The following SI variants were observed in gnomAD, a reference collection of about 807,000 sequenced individuals.
SI encodes the protein sucrase-isomaltase, intestinal.
Under a neutral mutation model 253.3 loss-of-function variants are expected in SI, and 235 were observed. That is an observed-to-expected ratio of 0.93 (90% CI 0.83 to 1.03). SI has a LOEUF of 1.03. Among genes scored for constraint, SI ranks in the 50% least tolerant of loss-of-function variants. The pLI, the probability that SI is intolerant of heterozygous loss-of-function variation, is 0.00. For synonymous variants in SI, 819 were observed against 712.0 expected (o/e 1.15, Z -2.39); for missense variants, 2,442 against 2,211.1 (o/e 1.10, Z -2.09).
At chr3:165,074,006 T>C (rs1479672565) in intron 3 of SI, among the ~76,000 whole-genome samples, 1 of 151,954 alleles carries the variant, frequency 6.6e-6, no homozygotes, top group Non-Finnish European at 1.5e-5. Flanking sequence ...CACAGGTTTG[T>C]GGGGAAAAAA....
chr3:165,006,601 G>A (rs1421049455), intron 37 of SI, among the ~76,000 whole-genome samples: 1 of 152,034 alleles, frequency 6.6e-6, no homozygotes, highest in Non-Finnish European at 1.5e-5. Flanking sequence ...TTTTGGAATA[G>A]TATAGAAATT....
intron 24 of SI, 102 bp downstream of exon 24, chr3:165,032,420 A>T: frequency 1.3e-6 from 1 of 753,506 alleles, no homozygotes; most frequent in South Asian, 1.8e-5. Context: ...GGAAGAAAGG[A>T]ATACACACTG....
intron 25 of SI, among the ~76,000 whole-genome samples, chr3:165,024,812 A>G (rs1381698792): frequency 6.6e-6 from 1 of 151,178 alleles, no homozygotes; most frequent in African/African-American, 2.4e-5. Context: ...ACAGCAAAAC[A>G]TACTCACTAT....
At chr3:165,033,494 T>G (rs528211398) in intron 22 of SI, 50 bp from the exon 23 acceptor site, 16 of 1,416,360 alleles carry the variant, frequency 1.1e-5, no homozygotes, top group Non-Finnish European at 1.5e-5. Flanking sequence ...TTAAATTCTC[T>G]GCTCTGGTTT....
chr3:164,989,767 T>C (rs950220902), intron 44 of SI, among the ~76,000 whole-genome samples: 2 of 152,104 alleles, frequency 1.3e-5, no homozygotes, highest in South Asian at 2.1e-4. Flanking sequence ...AGAAATGAGA[T>C]ACAACCCAGG....
intron 7 of SI, among the ~76,000 whole-genome samples, chr3:165,064,679 A>G (rs1375613803): frequency 6.6e-6 from 1 of 152,142 alleles, no homozygotes; most frequent in African/African-American, 2.4e-5. Flanking sequence ...AAGTATAAAG[A>G]TAAAGACTAA....
chr3:165,046,699 T>G, intron 16 of SI, 142 bp downstream of exon 16: 1 of 665,986 alleles, frequency 1.5e-6, no homozygotes, highest in South Asian at 2.1e-5. Context: ...ATTCTTATTT[T>G]CCTCATAAAC....
At position 165,067,395 on chromosome 3, in the gene SI, C is replaced by A. The variant is rs371768147; in HGVS notation, c.580G>T (p.Val194Phe). ...TVSDTLYDVK[V>F]AQNPFSIQVI... ...TGGATGCTAAATGGGTTTTGGGCAA[C>A]CTTCACATCATACAACGTATCAGAA... is the stretch of plus-strand genomic sequence containing the variant. The change falls in exon 6 of 48, where the codon GTT becomes TTT. Residue 194 changes from valine (V) to phenylalanine (F), a missense_variant. Coordinates refer to ENST00000264382, the MANE Select transcript of SI (RefSeq NM_001041.4). The A allele has an allele frequency of 2.5e-5, 41 of 1,612,592 alleles. No homozygotes were observed. The highest frequency in any genetic ancestry group is 3.4e-5 in the Non-Finnish European group (40 of 1,179,118).
At chr3:164,990,494 C>A (rs1717678444) in intron 44 of SI, among the ~76,000 whole-genome samples, 1 of 152,068 alleles carries the variant, frequency 6.6e-6, no homozygotes, top group Non-Finnish European at 1.5e-5. Context: ...TTCCATGGGT[C>A]TCTTGCATTT....
chr3:165,062,459 A>C lies in SI; in HGVS notation c.932T>G (p.Ile311Arg), dbSNP rs1332330426. ...AMEIFIQPTP[I>R]VTYRVTGGIL... ...GCCACCGGTAACTCTATATGTTACT[A>C]TTGGAGTAGGCTGGATAAAAATCTC... is the stretch of plus-strand genomic sequence containing the variant. The change falls in exon 9 of 48, where the codon ATA becomes AGA. Residue 311 changes from isoleucine to arginine, a missense_variant. Ile to Arg is a moderately conservative substitution (Grantham distance 97). Transcript: ENST00000264382. 1.3e-6 allele frequency: 2 copies of C among 1,595,160 alleles called. No homozygotes were observed. Among genetic ancestry groups the C allele is most frequent in the South Asian group, 1.1e-5 (1 of 90,676 alleles).
At chr3:165,067,570 AGTTCC>A in intron 5 of SI, 79 bp from the exon 6 acceptor site, 1 of 1,225,662 alleles carries the variant, frequency 8.2e-7, no homozygotes, top group Admixed American at 1.8e-5. Flanking sequence ...ATTAAATGCA[AGTTCC>A]AAATAAAAAA....
chr3:165,006,878 T>G lies in SI; in HGVS notation c.4344A>C (p.Thr1448=). Residue 1448 remains threonine, a synonymous_variant, in exon 37 of 48, where the codon ACA becomes ACC. Coordinates refer to ENST00000264382, the MANE Select transcript of SI (RefSeq NM_001041.4). ...TGTGAACATCGTAATGCAAAACTGA[T>G]GTTCCATCACTAAGAATCTGCTCAG... ...MEAEQILSDG[T]SVLHYDVHNL... 3 of 1,612,214 alleles carry G rather than the reference T, an allele frequency of 1.9e-6. No homozygotes were observed. Among genetic ancestry groups the G allele is most frequent in the Non-Finnish European group, 2.5e-6 (3 of 1,178,456 alleles).
At chr3:165,077,473 A>T (rs1410686640) in intron 1 of SI, among the ~76,000 whole-genome samples, 1 of 151,788 alleles carries the variant, frequency 6.6e-6, no homozygotes, top group Non-Finnish European at 1.5e-5. Flanking sequence ...ATTTTTTAGT[A>T]TAGCTTATAA....
rs2108217253 is a variant in SI, at chr3:165,039,964, C to T, written c.2167G>A (p.Glu723Lys). ...VARPVLHEFY[E>K]DTNSWIEDTE... ...TCCTCAATCCAGCTGTTCGTATCCT[C>T]ATAAAACCTAAGAACAATGACAATG... Residue 723 changes from glutamate to lysine, a missense_variant, in exon 19 of 48, where the codon GAG becomes AAG. Coordinates refer to ENST00000264382, the MANE Select transcript of SI (RefSeq NM_001041.4). 7 of 1,611,050 alleles carry T rather than the reference C, an allele frequency of 4.3e-6. No homozygotes were observed. The highest frequency in any genetic ancestry group is 5.9e-6 in the Non-Finnish European group (7 of 1,177,486).
At chr3:165,033,558 G>A (rs186656971) in intron 22 of SI, 114 bp from the exon 23 acceptor site, 311 of 1,006,694 alleles carry the variant, frequency 3.1e-4, no homozygotes, top group Non-Finnish European at 3.7e-4. Flanking sequence ...GTTTATTAAT[G>A]AAGCATCCCA....
At position 165,019,585 on chromosome 3, in the gene SI, C is replaced by A; in HGVS notation, c.3423+17G>T. The A allele has an allele frequency of 6.2e-7, 1 of 1,610,562 alleles. No individual in the cohort carries two copies. Among genetic ancestry groups the A allele is most frequent in the South Asian group, 1.1e-5 (1 of 90,990 alleles). On this transcript the variant is annotated intron_variant, in intron 28 of 47. Coordinates refer to ENST00000264382, the MANE Select transcript of SI (RefSeq NM_001041.4). The stretch of plus-strand genomic sequence containing the variant: ...GGTCTTAGTTGCCTCGTGGAGTGGT[C>A]ATATGTTGGTACCTACACCAGGGGG...
chr3:164,999,517 C>T (rs1718167786), intron 37 of SI, among the ~76,000 whole-genome samples: 1 of 151,412 alleles, frequency 6.6e-6, no homozygotes, highest in Non-Finnish European at 1.5e-5. Flanking sequence ...TGAATAAGAG[C>T]TACAGAACTA....
chr3:165,052,903 G>T (rs1713503075), intron 13 of SI, among the ~76,000 whole-genome samples: 1 of 151,738 alleles, frequency 6.6e-6, no homozygotes, highest in Non-Finnish European at 1.5e-5. Flanking sequence ...ACTTATTTGG[G>T]CATATCTTCT....
chr3:165,059,912 C>T lies in SI; in HGVS notation c.1136G>A (p.Gly379Asp), dbSNP rs773015700. Residue 379 changes from glycine (G) to aspartate (D), a missense_variant, in exon 10 of 48, where the codon GGC becomes GAC. By Grantham distance (94) the Gly-to-Asp change is moderately conservative. Transcript: ENST00000264382. ...CTTTATTCTACTTACAAATGGTATG[C>T]CAGCTTCCCGGTTTCTCCTTACCAC... ...KEVVRRNREA[G>D]IPFDTQVTDI... 2.5e-6 allele frequency: 4 copies of T among 1,611,482 alleles called. No homozygotes were observed. The highest frequency in any genetic ancestry group is 1.1e-5 in the South Asian group (1 of 91,042).
Sources: gnomAD v4.1 joint callset for allele counts (sites outside exome capture counted in the v4.1 genomes callset) on GRCh38, gnomAD v4.1.1 for gene constraint, MANE v1.5 for transcripts, NCBI Gene and HGNC (gene_info 2026-07-23, HGNC 2026-07-21) for gene names.